PDXDC1: variants seen among roughly 807,000 people sequenced by gnomAD.
PDXDC1 encodes pyridoxal-dependent decarboxylase domain-containing protein 1.
A neutral mutation model predicts 100.1 loss-of-function variants in PDXDC1; 42 were observed. That is an observed-to-expected ratio of 0.42 (90% CI 0.33 to 0.54). The LOEUF (loss-of-function observed/expected upper bound fraction) is 0.54. Ranked by LOEUF, PDXDC1 falls within the 20% of genes least tolerant of loss-of-function variation. The pLI is 0.10. For missense variants in PDXDC1, 636 were observed against 979.2 expected, an observed-to-expected ratio of 0.65 and a Z score of 4.68; for synonymous variants, 260 against 371.7, an observed-to-expected ratio of 0.70 and a Z score of 3.46.
chr16:15,125,546 C>T (rs961894988), intron 16 of PDXDC1: 9 of 1,586,248 alleles, frequency 5.7e-6, no homozygotes, highest in East Asian at 2.2e-5. Flanking sequence ...TCTAGGGGAA[C>T]CCACCTCTTA....
downstream of PDXDC1, among the ~76,000 whole-genome samples, chr16:15,042,217 GCT>G (rs200350090): frequency 0.01 from 1,306 of 127,998 alleles, 81 homozygotes; most frequent in Admixed American, 0.1. Flanking sequence ...ATGGAGTCTT[GCT>G]CTGTCACCCA....
chr16:15,045,115 C>G (rs2043992642), intron 16 of PDXDC1: 1 of 130,898 alleles, frequency 7.6e-6, no homozygotes, highest in Non-Finnish European at 1.6e-5. Flanking sequence ...CAGAGTAAGA[C>G]TCTATCTCAA....
At chr16:15,091,930 G>C (rs2046145407) in intron 16 of PDXDC1, among the ~76,000 whole-genome samples, 1 of 152,162 alleles carries the variant, frequency 6.6e-6, no homozygotes, top group Non-Finnish European at 1.5e-5. Flanking sequence ...TGTAATCCCA[G>C]CACTTTGGGA....
intron 16 of PDXDC1, among the ~76,000 whole-genome samples, chr16:15,030,456 G>C (rs186938772): frequency 2.4e-5 from 3 of 126,992 alleles, no homozygotes; most frequent in African/African-American, 8.5e-5. Flanking sequence ...TGAGGCAGGA[G>C]AATCACTTGA....
the PDXDC1 span, among the ~76,000 whole-genome samples, chr16:15,149,443 C>G: frequency 2.0e-5 from 3 of 152,358 alleles, no homozygotes; most frequent in South Asian, 6.2e-4. Flanking sequence ...AAATGGGAGC[C>G]AGGGGCCCCT....
chr16:15,112,380 G>A (rs1286670767), intron 16 of PDXDC1, among the ~76,000 whole-genome samples: 2 of 146,552 alleles, frequency 1.4e-5, no homozygotes, highest in Non-Finnish European at 3.0e-5. Context: ...TACCATGCCT[G>A]GCTAATTTTT....
rs1320964276 is a variant in PDXDC1, at chr16:15,037,670, A to G, written c.*1395A>G. On this transcript the variant is annotated 3_prime_UTR_variant, in exon 23 of 23. Coordinates refer to ENST00000396410, the MANE Select transcript of PDXDC1 (RefSeq NM_015027.4). ...ATTATTTGAATGTTGGTTTCAATAA[A>G]GGTTCTTGAAATTGTTACCAGTGAA... The G allele has an allele frequency of 5.8e-6, 1 of 173,286 alleles. No individual in the cohort carries two copies. Among genetic ancestry groups the G allele is most frequent in the Non-Finnish European group, 1.2e-5 (1 of 82,792 alleles). 10.7% of individuals were successfully genotyped at this position (173,286 alleles called of 1,614,324 possible).
At chr16:14,999,042 A>T (rs1972592510) in intron 3 of PDXDC1, among the ~76,000 whole-genome samples, 1 of 152,274 alleles carries the variant, frequency 6.6e-6, no homozygotes. Context: ...CTGTGATTGT[A>T]CCACTGCACT....
Position 15,136,094 on chromosome 16 carries a change from G to A in PDXDC1, c.1400-2785G>A, listed in dbSNP as rs977207894. 57 of 1,581,426 alleles carry A rather than the reference G, an allele frequency of 3.6e-5. No homozygotes were observed. The South Asian group carries it at 4.2e-4, about 12-fold the overall frequency. ...TGCGGCGCTGGGCCCACCTCCACCCGCTGCACAGTCGAGAAGCCGATCCAC... is the reference window on the plus strand; with the variant it reads ...TGCGGCGCTGGGCCCACCTCCACCCACTGCACAGTCGAGAAGCCGATCCAC... On this transcript the variant is annotated intron_variant, in intron 16 of 16. Coordinates refer to the PDXDC1 transcript ENST00000535621.
intron 16 of PDXDC1, among the ~76,000 whole-genome samples, chr16:15,050,399 C>T (rs904058159): frequency 3.3e-5 from 5 of 152,232 alleles, no homozygotes; most frequent in African/African-American, 7.2e-5. Flanking sequence ...CTTGCCATTT[C>T]GCATGACTGG....
intron 16 of PDXDC1, among the ~76,000 whole-genome samples, chr16:15,088,364 G>A (rs185094541): frequency 3.8e-3 from 585 of 152,170 alleles, no homozygotes; most frequent in Admixed American, 6.7e-3. Context: ...ATGCTCGGGA[G>A]CCTGAGGTGG....
downstream of PDXDC1, chr16:15,041,610 T>C (rs777914622): frequency 6.2e-7 from 1 of 1,601,064 alleles, no homozygotes; most frequent in Non-Finnish European, 8.6e-7. Context: ...TTGGGGCAAA[T>C]GGCAGGACTT....
intron 16 of PDXDC1, chr16:15,103,109 T>TAA (rs775913111): frequency 7.7e-5 from 32 of 415,826 alleles, no homozygotes; most frequent in African/African-American, 4.2e-4. Flanking sequence ...CCCTGTCTCT[T>TAA]AAAAAAAAAA....
At chr16:15,083,154 A>G (rs1434476999) in intron 16 of PDXDC1, among the ~76,000 whole-genome samples, 3 of 152,222 alleles carry the variant, frequency 2.0e-5, no homozygotes, top group Non-Finnish European at 4.4e-5. Flanking sequence ...TAATCCCAGC[A>G]CTTTGGGAGG....
At chr16:15,100,437 G>C (rs1164563763) in intron 16 of PDXDC1, among the ~76,000 whole-genome samples, 5 of 152,100 alleles carry the variant, frequency 3.3e-5, no homozygotes, top group African/African-American at 1.2e-4. Context: ...CCTCATCCCA[G>C]TATCTCAGAG....
chr16:15,049,846 AAG>A, intron 16 of PDXDC1, among the ~76,000 whole-genome samples: 1 of 152,240 alleles, frequency 6.6e-6, no homozygotes, highest in Non-Finnish European at 1.5e-5. Context: ...CTATGGGAAA[AAG>A]AGTTTTGAAA....
rs2665260 is a variant in PDXDC1 at position 15,132,918 on chromosome 16, A to T, written c.1400-5961A>T. The T allele has an allele frequency of 5.1e-6, 8 of 1,584,056 alleles. No individual in the cohort carries two copies. The African/African-American group carries it at 6.7e-5, about 13-fold the overall frequency. ...CAGCAAGCTGTCAGCAGGGCAGGAG[A>T]CCGGCAGGAGGCCAGCAGATGCCCA... On this transcript the variant is annotated intron_variant, in intron 16 of 16. Transcript: ENST00000535621.
rs1216900558 is a variant in PDXDC1 at position 15,038,255 on chromosome 16, T to TC, written c.*1984dup. ...GGCATTAGAGAAGCCAACCTTACTG[T>TC]CCCCTGCTGTGATAAAGATGTCAAA... is the stretch of plus-strand genomic sequence containing the variant. On this transcript the variant is annotated 3_prime_UTR_variant, in exon 23 of 23. Transcript: ENST00000396410. 7.5e-7 allele frequency: 1 copy of TC among 1,339,146 alleles called. No homozygotes were observed. The highest frequency in any genetic ancestry group is 2.3e-5 in the East Asian group (1 of 43,138). 83.0% of individuals were successfully genotyped at this position (1,339,146 alleles called of 1,614,324 possible).
intron 16 of PDXDC1, among the ~76,000 whole-genome samples, chr16:15,090,240 A>T (rs2046078711): frequency 6.7e-6 from 1 of 148,544 alleles, no homozygotes; most frequent in South Asian, 2.1e-4. Flanking sequence ...ATCAGCATGT[A>T]AAAAAAAAAC....
Sources: allele counts gnomAD v4.1 joint callset (sites outside exome capture counted in the v4.1 genomes callset), GRCh38; gene constraint gnomAD v4.1.1; transcripts MANE v1.5; gene names NCBI Gene and HGNC (gene_info 2026-07-23, HGNC 2026-07-21).